Variants in MAPK10 observed in about 807,000 individuals in gnomAD.
The protein encoded by MAPK10 is mitogen-activated protein kinase 10.
Under a neutral mutation model 59.3 loss-of-function variants are expected in MAPK10, and 25 were observed. That is an observed-to-expected ratio of 0.42 (90% CI 0.31 to 0.59). The LOEUF is 0.59. Ranked by LOEUF, MAPK10 falls within the 20% of genes least tolerant of loss-of-function variation. The probability of loss-of-function intolerance (pLI) is 0.15; values close to 1 mark genes in which losing one functional copy is unlikely to be tolerated. For synonymous variants in MAPK10, 190 were observed against 200.5 expected, an observed-to-expected ratio of 0.95 and a Z score of 0.44; for missense variants, 351 against 568.9, an observed-to-expected ratio of 0.62 and a Z score of 3.90.
chr4:86,206,711 T>C (rs2084117144), intron 2 of MAPK10, among the ~76,000 whole-genome samples: 1 of 152,178 alleles, frequency 6.6e-6, no homozygotes, highest in Admixed American at 6.5e-5. Context: ...GCACCTGTCA[T>C]TTCCTGACTT....
rs549181186 is a variant in MAPK10, at chr4:86,064,194, T to C, written c.1110+72A>G. On this transcript the variant is annotated intron_variant, in intron 11 of 13. Coordinates refer to ENST00000641462, the MANE Select transcript of MAPK10 (RefSeq NM_138982.4). ...ATCCATTGTGCATTCTTTAGGCTTC[T>C]AGTCCTATTCAGTTTTTGCTATGAG... is the stretch of plus-strand genomic sequence containing the variant. 5 of 1,579,124 alleles carry C rather than the reference T, an allele frequency of 3.2e-6. No individual in the cohort carries two copies. The African/African-American group carries it at 5.4e-5, about 17-fold the overall frequency.
Position 86,155,784 on chromosome 4 carries a change from A to G in MAPK10, c.236+3514T>C, listed in dbSNP as rs2067591385. ...TTAAGTTGGGAACTTTCACTTTTTA[A>G]CTTAAAGGAAGCACTTTACTGCATC... On this transcript the variant is annotated intron_variant, in intron 4 of 13. Coordinates refer to ENST00000641462, the MANE Select transcript of MAPK10 (RefSeq NM_138982.4). 2.0e-5 allele frequency among the ~76,000 whole-genome samples: 3 copies of G among 152,180 alleles called. No individual in the cohort carries two copies. The South Asian group carries it at 6.2e-4, about 32-fold the overall frequency.
chr4:86,107,404 C>G (rs1173169981), intron 4 of MAPK10, 52 bp from the exon 5 acceptor site: 2 of 1,579,018 alleles, frequency 1.3e-6, no homozygotes, highest in East Asian at 2.3e-5. Context: ...TTCCTTAGAA[C>G]TCTTGCCTAC....
chr4:86,568,072 A>G (rs998922582), intron 1 of MAPK10, among the ~76,000 whole-genome samples: 1 of 152,184 alleles, frequency 6.6e-6, no homozygotes, highest in African/African-American at 2.4e-5. Flanking sequence ...AAAGACTCCT[A>G]GATTTAACAA....
upstream of MAPK10, among the ~76,000 whole-genome samples, chr4:86,453,731 C>T (rs1750988647): frequency 6.6e-6 from 1 of 152,048 alleles, no homozygotes; most frequent in Admixed American, 6.6e-5. Flanking sequence ...CAAGGCCCTA[C>T]CCACTGCCTG....
chr4:86,399,616 C>T (rs929986695), intron 1 of MAPK10: 2 of 152,172 alleles, frequency 1.3e-5, no homozygotes, highest in African/African-American at 2.4e-5. Flanking sequence ...CTATAATCTA[C>T]ACCCAATGTG....
chr4:86,421,937 A>C (rs544504706), intron 1 of MAPK10, among the ~76,000 whole-genome samples: 1 of 152,178 alleles, frequency 6.6e-6, no homozygotes, highest in East Asian at 1.9e-4. Flanking sequence ...CCACCACCCC[A>C]TGCTCACTGT....
chr4:86,140,750 T>C (rs2063467249), intron 4 of MAPK10, among the ~76,000 whole-genome samples: 1 of 152,054 alleles, frequency 6.6e-6, no homozygotes, highest in African/African-American at 2.4e-5. Context: ...AAATTACACA[T>C]ACATGTGTAT....
intron 2 of MAPK10, among the ~76,000 whole-genome samples, chr4:86,292,808 T>C (rs1332119971): frequency 2.6e-5 from 4 of 152,166 alleles, no homozygotes; most frequent in Admixed American, 2.6e-4. Flanking sequence ...AAGGAGATGA[T>C]ATTGAGTATG....
At chr4:86,571,345 T>C (rs1368405297) in intron 1 of MAPK10, among the ~76,000 whole-genome samples, 1 of 150,710 alleles carries the variant, frequency 6.6e-6, no homozygotes, top group African/African-American at 2.4e-5. Flanking sequence ...TGTGTGTGTG[T>C]GTGTGTGTGT....
chr4:86,270,081 C>T (rs1050453971), intron 2 of MAPK10, among the ~76,000 whole-genome samples: 1 of 151,956 alleles, frequency 6.6e-6, no homozygotes, highest in African/African-American at 2.4e-5. Context: ...TTTCAAGAAA[C>T]ATTTTTCAAA....
At chr4:86,117,280 A>G (rs1205277102) in intron 4 of MAPK10, among the ~76,000 whole-genome samples, 1 of 152,182 alleles carries the variant, frequency 6.6e-6, no homozygotes, top group Non-Finnish European at 1.5e-5. Context: ...ACATACATAT[A>G]TACGCTGTAG....
At chr4:86,298,848 G>C (rs1191296983) in intron 2 of MAPK10, among the ~76,000 whole-genome samples, 1 of 152,206 alleles carries the variant, frequency 6.6e-6, no homozygotes, top group Non-Finnish European at 1.5e-5. Flanking sequence ...CAGTGGTTTT[G>C]ATTCAGTTCT....
At chr4:86,170,227 A>C (rs2149256988) in intron 3 of MAPK10, among the ~76,000 whole-genome samples, 1 of 152,328 alleles carries the variant, frequency 6.6e-6, no homozygotes, top group East Asian at 1.9e-4. Flanking sequence ...CTTTAAATGT[A>C]AATGGACTAA....
intron 9 of MAPK10, among the ~76,000 whole-genome samples, chr4:86,092,497 A>G (rs1580110142): frequency 6.6e-6 from 1 of 152,062 alleles, no homozygotes; most frequent in Non-Finnish European, 1.5e-5. Context: ...AATGTATAAT[A>G]AAAGAATTTG....
intron 9 of MAPK10, among the ~76,000 whole-genome samples, chr4:86,091,652 A>G (rs1264319757): frequency 6.9e-6 from 1 of 144,860 alleles, no homozygotes; most frequent in African/African-American, 2.6e-5. Context: ...TTGCTTTAGC[A>G]CCAGTTGGTT....
upstream of MAPK10, among the ~76,000 whole-genome samples, chr4:86,456,677 CAA>C (rs966475332): frequency 6.6e-6 from 1 of 151,480 alleles, no homozygotes; most frequent in Non-Finnish European, 1.5e-5. Context: ...AAATTACCAA[CAA>C]AAAAAAGTCC....
chr4:86,190,832 A>G (rs2079541603), intron 3 of MAPK10, among the ~76,000 whole-genome samples: 1 of 151,982 alleles, frequency 6.6e-6, no homozygotes, highest in African/African-American at 2.4e-5. Context: ...TTTAATTATT[A>G]TGTTAGGATG....
At chr4:86,039,364 T>C (rs1279434905) in intron 11 of MAPK10, among the ~76,000 whole-genome samples, 1 of 152,062 alleles carries the variant, frequency 6.6e-6, no homozygotes, top group Admixed American at 6.6e-5. Context: ...ACCCTCCACA[T>C]GATGGTAGGA....
Sources: gnomAD v4.1 joint callset for allele counts (sites outside exome capture counted in the v4.1 genomes callset) on GRCh38, gnomAD v4.1.1 for gene constraint, MANE v1.5 for transcripts, NCBI Gene and HGNC (gene_info 2026-07-23, HGNC 2026-07-21) for gene names.